Variants in NPHP1 observed in about 807,000 individuals in gnomAD.
The protein encoded by NPHP1 is nephrocystin 1.
NPHP1 carries 70 observed loss-of-function variants against 90.4 expected under a neutral mutation model. The observed-to-expected ratio is 0.77, with a 90% CI of 0.64 to 0.95. NPHP1 has a LOEUF of 0.95. NPHP1 is among the 40% of genes least tolerant of loss of function. NPHP1 has a pLI of 0.00. For synonymous variants in NPHP1, 256 were observed against 271.7 expected (o/e 0.94, Z 0.57); for missense variants, 764 against 795.9 (o/e 0.96, Z 0.48).
chr2:110,156,846 G>A (rs1035440561), intron 11 of NPHP1, among the ~76,000 whole-genome samples: 2 of 147,048 alleles, frequency 1.4e-5, no homozygotes, highest in African/African-American at 5.0e-5. Flanking sequence ...GCGCAATCTT[G>A]GCTCACTGCA....
Position 110,178,435 on chromosome 2 carries a change from T to C in NPHP1, c.317A>G (p.Glu106Gly). 6.2e-7 allele frequency: 1 copy of C among 1,613,904 alleles called. No homozygotes were observed. Among genetic ancestry groups the C allele is most frequent in the Non-Finnish European group, 8.5e-7 (1 of 1,179,864 alleles). Residue 106 changes from glutamate to glycine, a missense_variant, in exon 4 of 20, where the codon GAA (glutamate) becomes GGA (glycine). Physicochemically the swap from Glu to Gly is moderately conservative, Grantham distance 98. Coordinates refer to ENST00000445609, the MANE Select transcript of NPHP1 (RefSeq NM_001128178.3). ...LQGLAVTISRENITEVGAPTE... is the reference protein window; with the variant it reads ...LQGLAVTISRGNITEVGAPTE... ...AAAGGAAGCATACTCAGTTATATTT[T>C]CTCTGCTTATTGTCACAGCAAGGCC...
chr2:110,177,596 C>G (rs924677276), intron 4 of NPHP1, among the ~76,000 whole-genome samples: 1 of 152,036 alleles, frequency 6.6e-6, no homozygotes, highest in Non-Finnish European at 1.5e-5. Context: ...ATTCCAAAAT[C>G]CAAAACAATC....
intron 19 of NPHP1, chr2:110,124,376 C>T (rs1679204893): frequency 2.3e-6 from 1 of 443,192 alleles, no homozygotes; most frequent in Non-Finnish European, 4.2e-6. Flanking sequence ...ATTTTGGTGA[C>T]ACCAGTGTGG....
At chr2:110,128,029 T>C (rs1003817545) in intron 18 of NPHP1, 1 of 152,080 alleles carries the variant, frequency 6.6e-6, no homozygotes, top group African/African-American at 2.4e-5. Context: ...GACGAACTTA[T>C]CTAAAATTAC....
chr2:110,182,987 T>C (rs1054995180), intron 2 of NPHP1, among the ~76,000 whole-genome samples: 1 of 151,862 alleles, frequency 6.6e-6, no homozygotes, highest in African/African-American at 2.4e-5. Flanking sequence ...AAAGCAGGGG[T>C]TGCAATTCTA....
intron 2 of NPHP1, among the ~76,000 whole-genome samples, chr2:110,190,125 AG>A (rs1357316160): frequency 2.0e-5 from 3 of 152,174 alleles, no homozygotes; most frequent in Non-Finnish European, 4.4e-5. Context: ...CTAGACATAA[AG>A]GTTCTCCACA....
In NPHP1 at chr2:110,150,213, T is replaced by C; in HGVS notation, c.1127A>G (p.Lys376Arg). The C allele has an allele frequency of 6.2e-7, 1 of 1,613,996 alleles. No individual in the cohort carries two copies. Among genetic ancestry groups the C allele is most frequent in the African/African-American group, 1.3e-5 (1 of 75,046 alleles). ...IHTVRATWQP[K>R]KPKTWTFSPQ... ...AGAAAAGGTCCATGTTTTGGGCTTT[T>C]TAGGTTGCCATGTGGCTCTGACTGT... The change falls in exon 12 of 20, where the codon AAA (lysine) becomes AGA (arginine). Residue 376 changes from lysine (K) to arginine (R), a missense_variant. Coordinates refer to ENST00000445609, the MANE Select transcript of NPHP1 (RefSeq NM_001128178.3).
intron 16 of NPHP1, among the ~76,000 whole-genome samples, chr2:110,138,402 C>T (rs1680372052): frequency 6.6e-6 from 1 of 152,082 alleles, no homozygotes; most frequent in South Asian, 2.1e-4. Flanking sequence ...AAATATAATA[C>T]AGGTTCTCTT....
At position 110,193,099 on chromosome 2, in the gene NPHP1, T is replaced by G. The variant is rs910944206; in HGVS notation, c.143+8322A>C. On this transcript the variant is annotated intron_variant, in intron 2 of 19. Transcript: ENST00000445609. ...GAGGCTAGGAAGAAACTGCATCAAC[T>G]AATGAGCAAAATAACCAGCTAACAT... 1.4e-4 allele frequency among the ~76,000 whole-genome samples: 22 copies of G among 152,176 alleles called. 1 individual carries two copies. Among genetic ancestry groups the G allele is most frequent in the Non-Finnish European group, 2.2e-4 (15 of 68,042 alleles).
At chr2:110,154,562 T>C (rs1681745560) in intron 11 of NPHP1, among the ~76,000 whole-genome samples, 1 of 152,062 alleles carries the variant, frequency 6.6e-6, no homozygotes, top group Non-Finnish European at 1.5e-5. Context: ...ATGCTGATAG[T>C]GATATGAACA....
intron 4 of NPHP1, among the ~76,000 whole-genome samples, chr2:110,170,919 T>G (rs986412015): frequency 1.3e-5 from 2 of 151,812 alleles, no homozygotes; most frequent in Admixed American, 6.6e-5. Flanking sequence ...TGAGTGAGAG[T>G]TGAGGCTGAA....
At chr2:110,170,140 T>C in intron 4 of NPHP1, 142 bp from the exon 5 acceptor site, 1 of 1,170,734 alleles carries the variant, frequency 8.5e-7, no homozygotes, top group Non-Finnish European at 1.2e-6. Flanking sequence ...CAAAGAACAG[T>C]TTCTACCATC....
At position 110,163,228 on chromosome 2, in the gene NPHP1, G is replaced by GAAA. The variant is rs781550945; in HGVS notation, c.772-96_772-94dup. The GAAA allele has an allele frequency of 1.2e-3, 1,104 of 903,322 alleles. 4 individuals carry two copies. The highest frequency in any genetic ancestry group is 2.0e-3 in the South Asian group (146 of 71,822). The allele number at this position is 903,322 out of a possible 1,614,324, so 56.0% of individuals were successfully genotyped here. ...ACTAGAGTAACTATAACCCAAAAAA[G>GAAA]AAAAATATAAACATACAGACTTTAG... On this transcript the variant is annotated intron_variant, in intron 8 of 19. Coordinates refer to ENST00000445609, the MANE Select transcript of NPHP1 (RefSeq NM_001128178.3).
intron 4 of NPHP1, among the ~76,000 whole-genome samples, chr2:110,174,739 C>G (rs1683393098): frequency 6.7e-6 from 1 of 149,844 alleles, no homozygotes; most frequent in Non-Finnish European, 1.5e-5. Flanking sequence ...TGACACCTGC[C>G]TTTTTTTTTC....
In NPHP1 at chr2:110,123,556, A is replaced by T. The variant is rs1679128616; in HGVS notation, c.*235T>A. 1 of 434,402 alleles carries T rather than the reference A, an allele frequency of 2.3e-6. No individual in the cohort carries two copies. Among genetic ancestry groups the T allele is most frequent in the Non-Finnish European group, 4.0e-6 (1 of 247,590 alleles). The allele number at this position is 434,402 out of a possible 1,614,324, so 26.9% of individuals were successfully genotyped here. A position where few individuals can be genotyped will look rare whatever the true frequency, so the allele number is the denominator to read the frequency against. ...AACTTAAGTAGCTGTTTTTGAAAAA[A>T]TAAATACTGTTTAAATTTAGATATA... On this transcript the variant is annotated 3_prime_UTR_variant, in exon 20 of 20. Transcript: ENST00000445609.
In NPHP1 at chr2:110,173,520, T is replaced by C. The variant is rs193023725; in HGVS notation, c.330-3522A>G. On this transcript the variant is annotated intron_variant, in intron 4 of 19. Coordinates refer to ENST00000445609, the MANE Select transcript of NPHP1 (RefSeq NM_001128178.3). The stretch of plus-strand genomic sequence containing the variant: ...GGCCACATATACAATGATGGCCCCA[T>C]ACATATAATACCATATTTTTACTGT... Among the ~76,000 whole-genome samples the C allele has an allele frequency of 4.8e-3, 735 of 152,286 alleles. 5 individuals are homozygous for C. The highest frequency in any genetic ancestry group is 8.0e-3 in the Admixed American group (122 of 15,296).
intron 2 of NPHP1, among the ~76,000 whole-genome samples, chr2:110,188,573 T>C (rs371117197): frequency 8.5e-5 from 13 of 152,190 alleles, no homozygotes; most frequent in African/African-American, 2.6e-4. Context: ...ATCGTGAAAA[T>C]GGACATACTG....
chr2:110,191,458 G>A (rs1264993367), intron 2 of NPHP1, among the ~76,000 whole-genome samples: 1 of 152,204 alleles, frequency 6.6e-6, no homozygotes, highest in Non-Finnish European at 1.5e-5. Flanking sequence ...GCAGCAGCGA[G>A]GCTGTTTGTT....
chr2:110,179,120 G>A (rs1485778462), intron 3 of NPHP1, among the ~76,000 whole-genome samples: 3 of 150,674 alleles, frequency 2.0e-5, no homozygotes, highest in Non-Finnish European at 4.4e-5. Context: ...CTCTGGACCT[G>A]GACATCTAGC....
Sources: gnomAD v4.1 joint callset for allele counts (sites outside exome capture counted in the v4.1 genomes callset) on GRCh38, gnomAD v4.1.1 for gene constraint, MANE v1.5 for transcripts, NCBI Gene and HGNC (gene_info 2026-07-23, HGNC 2026-07-21) for gene names.